The following TRIM36 variants were observed in gnomAD, a reference collection of about 807,000 sequenced individuals.
The protein encoded by TRIM36 is E3 ubiquitin-protein ligase TRIM36.
A neutral mutation model predicts 72.4 loss-of-function variants in TRIM36; 42 were observed. That is an observed-to-expected ratio of 0.58 (90% CI 0.45 to 0.75). The LOEUF is 0.75. Ranked by LOEUF, TRIM36 falls within the 30% of genes least tolerant of loss-of-function variation. The pLI, the probability that TRIM36 is intolerant of heterozygous loss-of-function variation, is 0.00. For synonymous variants in TRIM36, 315 were observed against 282.8 expected (o/e 1.11, Z -1.14); for missense variants, 913 against 857.1 (o/e 1.07, Z -0.81).
chr5:115,132,519 G>C (rs1433221990), intron 8 of TRIM36, among the ~76,000 whole-genome samples: 1 of 148,052 alleles, frequency 6.8e-6, no homozygotes, highest in African/African-American at 2.5e-5. Context: ...ACTCCAGCCT[G>C]GGTGACAGAG....
chr5:115,165,954 C>T (rs565959501), intron 1 of TRIM36, among the ~76,000 whole-genome samples: 2 of 152,274 alleles, frequency 1.3e-5, no homozygotes, highest in South Asian at 4.1e-4. Context: ...GAGATGCTGA[C>T]ACACCAGCCC....
At chr5:115,168,064 T>C (rs2126942697) in intron 1 of TRIM36, among the ~76,000 whole-genome samples, 1 of 152,084 alleles carries the variant, frequency 6.6e-6, no homozygotes, top group Admixed American at 6.5e-5. Flanking sequence ...GAAAACAGCA[T>C]GGGGGAAACC....
At chr5:115,142,855 T>C (rs1176731101) in intron 4 of TRIM36, among the ~76,000 whole-genome samples, 1 of 152,182 alleles carries the variant, frequency 6.6e-6, no homozygotes, top group African/African-American at 2.4e-5. Context: ...CAGAGGTTAA[T>C]TTCTCAGGGA....
chr5:115,132,243 G>T (rs1232303442), intron 8 of TRIM36, among the ~76,000 whole-genome samples: 9 of 149,896 alleles, frequency 6.0e-5, no homozygotes, highest in Non-Finnish European at 5.9e-5. Context: ...TTTTAAACAG[G>T]CTGCTAGCAG....
chr5:115,148,324 G>A (rs749846462), intron 2 of TRIM36: 22 of 983,786 alleles, frequency 2.2e-5, no homozygotes, highest in Non-Finnish European at 2.4e-5. Flanking sequence ...ACCAATGCAT[G>A]ACAGTCCTTA....
At chr5:115,132,189 T>TGTGTGTGC (rs796148331) in intron 8 of TRIM36, among the ~76,000 whole-genome samples, 19 of 149,176 alleles carry the variant, frequency 1.3e-4, no homozygotes, top group Admixed American at 5.4e-4. Flanking sequence ...TCTCTATGTG[T>TGTGTGTGC]GTGTGTGTGT....
chr5:115,131,750 T>C (rs1752693622), intron 8 of TRIM36, among the ~76,000 whole-genome samples: 1 of 152,178 alleles, frequency 6.6e-6, no homozygotes, highest in Non-Finnish European at 1.5e-5. Flanking sequence ...CGATACATGC[T>C]ACAACATGGA....
chr5:115,162,714 A>C (rs1443356381), intron 2 of TRIM36, among the ~76,000 whole-genome samples: 2 of 152,094 alleles, frequency 1.3e-5, no homozygotes, highest in Non-Finnish European at 2.9e-5. Flanking sequence ...GCAGAATATC[A>C]AGTTTTATCT....
At chr5:115,140,032 T>A (rs1753192056) in intron 5 of TRIM36, among the ~76,000 whole-genome samples, 1 of 152,192 alleles carries the variant, frequency 6.6e-6, no homozygotes, top group African/African-American at 2.4e-5. Context: ...GTTGAGACAG[T>A]CTGTCACTTA....
At chr5:115,150,529 G>C (rs187834614) in intron 2 of TRIM36, among the ~76,000 whole-genome samples, 1 of 152,172 alleles carries the variant, frequency 6.6e-6, no homozygotes, top group Non-Finnish European at 1.5e-5. Context: ...TCACAAACTA[G>C]ATTGAAGGAC....
At chr5:115,128,356 C>T (rs1417393528) in intron 9 of TRIM36, among the ~76,000 whole-genome samples, 1 of 92,108 alleles carries the variant, frequency 1.1e-5, no homozygotes, top group Non-Finnish European at 2.1e-5. Flanking sequence ...GCAACAAAAG[C>T]GAAACTCCAT....
chr5:115,148,344 T>G (rs1753702860), intron 2 of TRIM36: 1 of 984,786 alleles, frequency 1.0e-6, no homozygotes, highest in African/African-American at 1.7e-5. Flanking sequence ...ACCCATTGGT[T>G]CACAGGAATC....
chr5:115,178,534 G>C (rs1755452874), intron 1 of TRIM36, among the ~76,000 whole-genome samples: 1 of 152,184 alleles, frequency 6.6e-6, no homozygotes, highest in Non-Finnish European at 1.5e-5. Flanking sequence ...TCAGAGGGAA[G>C]GGTGGGCCGC....
intron 2 of TRIM36, among the ~76,000 whole-genome samples, chr5:115,149,822 G>C (rs561821385): frequency 6.6e-6 from 1 of 151,986 alleles, no homozygotes; most frequent in South Asian, 2.1e-4. Context: ...GCAGTGGCGC[G>C]ATCTCGGCTC....
Position 115,163,551 on chromosome 5 carries a change from T to TAGGGG in TRIM36, c.224_228dup (p.Ser77ProfsTer20). ...TTAATTCGGTCAATTTTATCCATACTAGGGGAGGGGAGCCGAAGTCGAGGA... is the reference window on the plus strand; with the variant it reads ...TTAATTCGGTCAATTTTATCCATACTAGGGGAGGGGAGGGGAGCCGAAGTCGAGGA... On this transcript the variant is annotated frameshift_variant, in exon 2 of 10. Coordinates refer to ENST00000513154, the MANE Select transcript of TRIM36 (RefSeq NM_001300759.2). LOFTEE classifies it high-confidence loss of function. 1 of 1,614,168 alleles carries TAGGGG rather than the reference T, an allele frequency of 6.2e-7. No homozygotes were observed. The highest frequency in any genetic ancestry group is 8.5e-7 in the Non-Finnish European group (1 of 1,180,030).
chr5:115,133,790 G>T, intron 8 of TRIM36, 70 bp downstream of exon 8: 1 of 1,461,592 alleles, frequency 6.8e-7, no homozygotes, highest in South Asian at 1.4e-5. Flanking sequence ...TGGAGATACT[G>T]ACTAGTTTAT....
At position 115,139,048 on chromosome 5, in the gene TRIM36, T is replaced by C. The variant is rs182065581; in HGVS notation, c.832-1432A>G. Reference sequence around the variant, plus strand: ...GTTAGCCAGGATGGTCTTGATCTCCTGACCTCATGATCTGCCTGCCTCGGC... The same window carrying C: ...GTTAGCCAGGATGGTCTTGATCTCCCGACCTCATGATCTGCCTGCCTCGGC... On this transcript the variant is annotated intron_variant, in intron 5 of 9. Transcript: ENST00000513154. Among the ~76,000 whole-genome samples the C allele has an allele frequency of 4.9e-3, 742 of 152,140 alleles. 7 individuals carry two copies. Among genetic ancestry groups the C allele is most frequent in the African/African-American group, 0.016 (670 of 41,484 alleles).
chr5:115,167,987 G>C (rs927253183), intron 1 of TRIM36, among the ~76,000 whole-genome samples: 1 of 152,170 alleles, frequency 6.6e-6, no homozygotes, highest in South Asian at 2.1e-4. Flanking sequence ...GGCAGCAGGC[G>C]AGAGGGAGTA....
intron 7 of TRIM36, 55 bp from the exon 8 acceptor site, chr5:115,134,202 G>T: frequency 6.9e-7 from 1 of 1,451,752 alleles, no homozygotes. Flanking sequence ...TTGAAAACCA[G>T]TGTTTTTCCT....
Sources: allele counts gnomAD v4.1 joint callset (sites outside exome capture counted in the v4.1 genomes callset), GRCh38; gene constraint gnomAD v4.1.1; transcripts MANE v1.5; gene names NCBI Gene and HGNC (gene_info 2026-07-23, HGNC 2026-07-21).